HS3ST4: variants seen among roughly 807,000 people sequenced by gnomAD.
HS3ST4 encodes heparan sulfate glucosamine 3-O-sulfotransferase 4.
A neutral mutation model predicts 29.2 loss-of-function variants in HS3ST4; 17 were observed. The ratio of observed to expected loss-of-function variants is 0.58; its 90% CI spans 0.40 to 0.87. The LOEUF (loss-of-function observed/expected upper bound fraction) is 0.87, where lower values mean the gene tolerates loss of function less well. Ranked by LOEUF, HS3ST4 falls within the 40% of genes least tolerant of loss-of-function variation. HS3ST4 has a pLI of 0.00. For synonymous variants in HS3ST4, 314 were observed against 285.7 expected (o/e 1.10, Z -1.00); for missense variants, 627 against 634.5 (o/e 0.99, Z 0.13).
intron 1 of HS3ST4, among the ~76,000 whole-genome samples, chr16:25,876,478 G>C (rs1319231292): frequency 6.6e-6 from 1 of 152,142 alleles, no homozygotes; most frequent in African/African-American, 2.4e-5. Context: ...AGGATTGCAA[G>C]ATGGTTCTAG....
intron 1 of HS3ST4, among the ~76,000 whole-genome samples, chr16:25,800,084 TCCTTCCTGCCTTCCTTCCTTCCTG>T (rs1369829334): frequency 6.8e-6 from 1 of 147,766 alleles, no homozygotes; most frequent in Non-Finnish European, 1.5e-5. Flanking sequence ...CTTCCTTCCT[TCCTTCCTGCCTTCCTTCCTTCCTG>T]CCTTCCTGCC....
At chr16:25,978,975 G>A (rs536565031) in intron 1 of HS3ST4, among the ~76,000 whole-genome samples, 2 of 116,922 alleles carry the variant, frequency 1.7e-5, no homozygotes, top group African/African-American at 3.3e-5. Flanking sequence ...GTTTCTCTCT[G>A]CAACCTCCAC....
At chr16:26,099,709 G>A in intron 1 of HS3ST4, among the ~76,000 whole-genome samples, 1 of 152,142 alleles carries the variant, frequency 6.6e-6, no homozygotes, top group East Asian at 1.9e-4. Context: ...ATAGAGCAGT[G>A]AGCAGGGCAG....
chr16:25,767,859 A>G (rs1276930528), intron 1 of HS3ST4, among the ~76,000 whole-genome samples: 1 of 152,208 alleles, frequency 6.6e-6, no homozygotes, highest in African/African-American at 2.4e-5. Context: ...TGCATATGAA[A>G]GTGTTCTCTT....
At chr16:25,712,564 C>T (rs1966423306) in intron 1 of HS3ST4, among the ~76,000 whole-genome samples, 1 of 151,820 alleles carries the variant, frequency 6.6e-6, no homozygotes, top group Non-Finnish European at 1.5e-5. Context: ...CACCATAAGA[C>T]AAGAACGTCA....
At chr16:25,916,971 G>T (rs1275658192) in intron 1 of HS3ST4, among the ~76,000 whole-genome samples, 1 of 152,010 alleles carries the variant, frequency 6.6e-6, no homozygotes, top group African/African-American at 2.4e-5. Context: ...GATCCACCAC[G>T]CCCTGCCTCG....
At chr16:25,950,395 A>C (rs560857531) in intron 1 of HS3ST4, among the ~76,000 whole-genome samples, 13 of 152,188 alleles carry the variant, frequency 8.5e-5, no homozygotes, top group African/African-American at 2.6e-4. Context: ...GGGTCTGGCT[A>C]ATAGGGTATA....
At chr16:25,746,995 T>G (rs1321695663) in intron 1 of HS3ST4, among the ~76,000 whole-genome samples, 1 of 152,174 alleles carries the variant, frequency 6.6e-6, no homozygotes, top group African/African-American at 2.4e-5. Flanking sequence ...ACCACAGGTG[T>G]GCACCATCAC....
At chr16:26,046,368 C>T (rs771444627) in intron 1 of HS3ST4, among the ~76,000 whole-genome samples, 7 of 151,998 alleles carry the variant, frequency 4.6e-5, no homozygotes, top group Non-Finnish European at 7.4e-5. Context: ...CCAGGCTGGT[C>T]CCGAACTCTT....
chr16:26,020,001 C>T (rs1378738088), intron 1 of HS3ST4, among the ~76,000 whole-genome samples: 2 of 152,222 alleles, frequency 1.3e-5, no homozygotes, highest in African/African-American at 4.8e-5. Context: ...TGTCAAAACA[C>T]TTCTGGTGCT....
At chr16:25,961,007 C>T (rs566807029) in intron 1 of HS3ST4, among the ~76,000 whole-genome samples, 1 of 152,306 alleles carries the variant, frequency 6.6e-6, no homozygotes, top group Non-Finnish European at 1.5e-5. Flanking sequence ...CCCACTCCTA[C>T]CTCTTCTGAT....
At chr16:25,930,762 G>A (rs542860586) in intron 1 of HS3ST4, among the ~76,000 whole-genome samples, 2 of 152,060 alleles carry the variant, frequency 1.3e-5, no homozygotes, top group African/African-American at 2.4e-5. Flanking sequence ...ATGTCCTACC[G>A]ATGTAGGGAT....
chr16:25,935,577 C>T (rs994712591), intron 1 of HS3ST4, among the ~76,000 whole-genome samples: 1 of 152,128 alleles, frequency 6.6e-6, no homozygotes, highest in Non-Finnish European at 1.5e-5. Flanking sequence ...AGTATGTGGG[C>T]ATTTTCAGAT....
intron 1 of HS3ST4, among the ~76,000 whole-genome samples, chr16:25,874,149 C>T (rs969529139): frequency 6.6e-6 from 1 of 152,086 alleles, no homozygotes; most frequent in African/African-American, 2.4e-5. Flanking sequence ...ACTGTTGTAT[C>T]CTTACCCCTA....
chr16:25,965,503 A>T (rs1968834497), intron 1 of HS3ST4, among the ~76,000 whole-genome samples: 1 of 152,074 alleles, frequency 6.6e-6, no homozygotes, highest in Non-Finnish European at 1.5e-5. Context: ...TGAATTCTCA[A>T]TGTTTGGTAT....
chr16:25,884,981 G>A (rs1967934840), intron 1 of HS3ST4, among the ~76,000 whole-genome samples: 1 of 152,186 alleles, frequency 6.6e-6, no homozygotes, highest in African/African-American at 2.4e-5. Context: ...ATTTGGTTGA[G>A]TGAGAAGGGG....
At chr16:25,897,922 AT>A (rs1278220394) in intron 1 of HS3ST4, among the ~76,000 whole-genome samples, 1 of 152,178 alleles carries the variant, frequency 6.6e-6, no homozygotes. Flanking sequence ...TATTCTGAAA[AT>A]GACAAGGTGC....
At chr16:25,709,753 C>G (rs1966403698) in intron 1 of HS3ST4, among the ~76,000 whole-genome samples, 2 of 151,998 alleles carry the variant, frequency 1.3e-5, no homozygotes, top group Non-Finnish European at 2.9e-5. Context: ...TATCCAGTCT[C>G]TAAACCTAAG....
At chr16:25,909,681 C>A (rs778632579) in intron 1 of HS3ST4, among the ~76,000 whole-genome samples, 1 of 152,170 alleles carries the variant, frequency 6.6e-6, no homozygotes, top group Admixed American at 6.5e-5. Context: ...TTTCTACTTG[C>A]GGTATCTCAT....
Sources: gnomAD v4.1 joint callset for allele counts (sites outside exome capture counted in the v4.1 genomes callset) on GRCh38, gnomAD v4.1.1 for gene constraint, MANE v1.5 for transcripts, NCBI Gene and HGNC (gene_info 2026-07-23, HGNC 2026-07-21) for gene names.